Variants in PPP1R12B observed in about 807,000 individuals in gnomAD.
PPP1R12B encodes the protein protein phosphatase 1 regulatory subunit 12B, also known as myosin phosphatase target subunit 2.
In PPP1R12B, 76 loss-of-function variants were observed where a neutral mutation model predicts 126.1. That is an observed-to-expected ratio of 0.60 (90% CI 0.50 to 0.73). PPP1R12B has a LOEUF of 0.73. Among genes scored for constraint, PPP1R12B ranks in the 30% least tolerant of loss-of-function variants. The pLI is 0.00. For synonymous variants in PPP1R12B, 356 were observed against 434.7 expected, an observed-to-expected ratio of 0.82 and a Z score of 2.25; for missense variants, 1,052 against 1,205.1, an observed-to-expected ratio of 0.87 and a Z score of 1.88.
intron 1 of PPP1R12B, among the ~76,000 whole-genome samples, chr1:202,367,721 G>T (rs986890635): frequency 3.9e-5 from 6 of 152,002 alleles, no homozygotes; most frequent in Non-Finnish European, 7.4e-5. Flanking sequence ...TTTTTAAATT[G>T]AGGTAAATTT....
chr1:202,510,350 CT>C (rs1293509299), intron 18 of PPP1R12B, among the ~76,000 whole-genome samples: 1 of 152,162 alleles, frequency 6.6e-6, no homozygotes, highest in Non-Finnish European at 1.5e-5. Flanking sequence ...TTTTAGACCT[CT>C]CCCCTTGAGA....
At chr1:202,570,743 G>C (rs1688513266) in intron 23 of PPP1R12B, among the ~76,000 whole-genome samples, 1 of 152,080 alleles carries the variant, frequency 6.6e-6, no homozygotes, top group Admixed American at 6.6e-5. Flanking sequence ...CCCTGGACTT[G>C]AACTCCTGGG....
intron 18 of PPP1R12B, among the ~76,000 whole-genome samples, chr1:202,556,380 T>C (rs1359601956): frequency 2.0e-5 from 3 of 152,200 alleles, no homozygotes; most frequent in African/African-American, 7.2e-5. Flanking sequence ...TCTCAGAGCA[T>C]TAACAATTCA....
intron 13 of PPP1R12B, among the ~76,000 whole-genome samples, chr1:202,466,352 A>G (rs1282403923): frequency 6.6e-6 from 1 of 151,956 alleles, no homozygotes; most frequent in African/African-American, 2.4e-5. Context: ...TATAATGTTG[A>G]CTATTGCCTT....
intron 22 of PPP1R12B, 115 bp from the exon 23 acceptor site, chr1:202,569,032 A>G: frequency 8.9e-7 from 1 of 1,123,848 alleles, no homozygotes; most frequent in Non-Finnish European, 1.3e-6. Flanking sequence ...GGTTTGCCTG[A>G]GTCAGCAGAC....
chr1:202,568,766 G>A (rs544406802), intron 22 of PPP1R12B, among the ~76,000 whole-genome samples: 1 of 152,298 alleles, frequency 6.6e-6, no homozygotes, highest in South Asian at 2.1e-4. Flanking sequence ...TTTAGGGAGA[G>A]CATTACTGAA....
Position 202,569,134 on chromosome 1 carries a change from T to C in PPP1R12B, c.2812-13T>C. Reference sequence around the variant, plus strand: ...ATTCAATAATGTTCAACAGTCTCATTGTTCCGAAACAGGAGAGGCGAGCCT... The same window carrying C: ...ATTCAATAATGTTCAACAGTCTCATCGTTCCGAAACAGGAGAGGCGAGCCT... On this transcript the variant is annotated splice_polypyrimidine_tract_variant and intron_variant, in intron 22 of 23. Transcript: ENST00000608999. The C allele has an allele frequency of 1.2e-6, 2 of 1,612,216 alleles. No individual in the cohort carries two copies. Among genetic ancestry groups the C allele is most frequent in the Non-Finnish European group, 1.7e-6 (2 of 1,178,378 alleles).
At chr1:202,571,287 C>G (rs1036836328) in intron 23 of PPP1R12B, among the ~76,000 whole-genome samples, 2 of 152,132 alleles carry the variant, frequency 1.3e-5, no homozygotes, top group Non-Finnish European at 2.9e-5. Context: ...GAGTTCTTTC[C>G]TTTCCTCAAG....
At chr1:202,468,490 G>T (rs1675358971) in intron 13 of PPP1R12B, among the ~76,000 whole-genome samples, 1 of 152,132 alleles carries the variant, frequency 6.6e-6, no homozygotes, top group Non-Finnish European at 1.5e-5. Context: ...TTTAGATTCT[G>T]CCCAGATCAT....
At chr1:202,514,550 A>G (rs7556629) in intron 18 of PPP1R12B, among the ~76,000 whole-genome samples, 65,821 of 151,956 alleles carry the variant, frequency 0.43, 15,592 homozygotes, top group East Asian at 0.7. Context: ...CAGGGTTTTT[A>G]TAGTTTGGGG....
At chr1:202,519,551 C>T (rs1042215658) in intron 18 of PPP1R12B, among the ~76,000 whole-genome samples, 3 of 152,088 alleles carry the variant, frequency 2.0e-5, no homozygotes, top group African/African-American at 7.2e-5. Flanking sequence ...GGATTACAGG[C>T]GTGAACCACT....
intron 1 of PPP1R12B, among the ~76,000 whole-genome samples, chr1:202,381,324 T>A (rs535162052): frequency 1.8e-4 from 27 of 152,076 alleles, no homozygotes; most frequent in Middle Eastern, 6.8e-3. Context: ...ACCTTTTGGT[T>A]TGACCTGATC....
intron 1 of PPP1R12B, among the ~76,000 whole-genome samples, chr1:202,357,864 A>G (rs1657395259): frequency 6.6e-6 from 1 of 152,202 alleles, no homozygotes; most frequent in Non-Finnish European, 1.5e-5. Context: ...GATACAATTT[A>G]GAAACTAACT....
rs1263915862 is a variant in PPP1R12B at position 202,583,630 on chromosome 1, CCTT to C, written c.*3073_*3075del. On this transcript the variant is annotated 3_prime_UTR_variant, in exon 24 of 24. Coordinates refer to ENST00000608999, the MANE Select transcript of PPP1R12B (RefSeq NM_002481.4). ...AGCCCCATGAGATGGTAATTATAGG[CCTT>C]CTACTAGCCAGCAGTTCTCTCTGGA... is the stretch of plus-strand genomic sequence containing the variant. 1 of 152,192 alleles carries C rather than the reference CCTT, an allele frequency of 6.6e-6. No homozygotes were observed. The highest frequency in any genetic ancestry group is 6.5e-5 in the Admixed American group (1 of 15,278). 9.4% of individuals were successfully genotyped at this position (152,192 alleles called of 1,614,324 possible). A position where few individuals can be genotyped will look rare whatever the true frequency, so the allele number is the denominator to read the frequency against.
At chr1:202,432,442 A>G (rs1208491280) in intron 8 of PPP1R12B, among the ~76,000 whole-genome samples, 1 of 151,876 alleles carries the variant, frequency 6.6e-6, no homozygotes, top group African/African-American at 2.4e-5. Context: ...TAATTTTAGT[A>G]TTTTTAGTAG....
chr1:202,559,686 T>G (rs746135560), intron 19 of PPP1R12B, among the ~76,000 whole-genome samples: 1 of 152,238 alleles, frequency 6.6e-6, no homozygotes, highest in Non-Finnish European at 1.5e-5. Context: ...ATGAGTTTCC[T>G]TATAATTTGT....
At chr1:202,547,133 A>G (rs1252378861) in intron 18 of PPP1R12B, among the ~76,000 whole-genome samples, 5 of 152,206 alleles carry the variant, frequency 3.3e-5, no homozygotes, top group African/African-American at 7.2e-5. Context: ...CTGTGTGACA[A>G]ATACCTAAGC....
intron 13 of PPP1R12B, among the ~76,000 whole-genome samples, chr1:202,464,467 CCATTT>C (rs1674721943): frequency 1.3e-5 from 2 of 152,100 alleles, no homozygotes; most frequent in Non-Finnish European, 2.9e-5. Flanking sequence ...CTATCCCATT[CCATTT>C]AAGTGTTTTA....
intron 18 of PPP1R12B, among the ~76,000 whole-genome samples, chr1:202,504,735 G>A (rs1680629753): frequency 6.6e-6 from 1 of 152,128 alleles, no homozygotes; most frequent in African/African-American, 2.4e-5. Flanking sequence ...TAGTTAAGAG[G>A]ACACACCCAG....
Sources: allele counts gnomAD v4.1 joint callset (sites outside exome capture counted in the v4.1 genomes callset), GRCh38; gene constraint gnomAD v4.1.1; transcripts MANE v1.5; gene names NCBI Gene and HGNC (gene_info 2026-07-23, HGNC 2026-07-21).